UBR3: variants seen among roughly 807,000 people sequenced by gnomAD.
UBR3 encodes the protein ubiquitin protein ligase E3 component n-recognin 3.
In UBR3, 85 loss-of-function variants were observed where a neutral mutation model predicts 243.2. That is an observed-to-expected ratio of 0.35 (90% CI 0.29 to 0.42). UBR3 has a LOEUF of 0.42. Ranked by LOEUF, UBR3 falls within the 10% of genes least tolerant of loss-of-function variation. The pLI, the probability that UBR3 is intolerant of heterozygous loss-of-function variation, is 1.00. For synonymous variants in UBR3, 748 were observed against 799.8 expected (o/e 0.94, Z 1.09); for missense variants, 1,686 against 2,300.8 (o/e 0.73, Z 5.47).
Position 170,081,871 on chromosome 2 carries a change from A to G in UBR3, c.*28A>G. The G allele has an allele frequency of 2.1e-6, 3 of 1,402,588 alleles. No homozygotes were observed. Among genetic ancestry groups the G allele is most frequent in the African/African-American group, 1.5e-5 (1 of 68,392 alleles). The allele number at this position is 1,402,588 out of a possible 1,614,324, so 86.9% of individuals were successfully genotyped here. A position where few individuals can be genotyped will look rare whatever the true frequency, so the allele number is the denominator to read the frequency against. ...CTCCACCTCAGCATTGCATCGTATC[A>G]TCATTTTCGCTACGAATTTATTTTT... On this transcript the variant is annotated 3_prime_UTR_variant, in exon 39 of 39. Transcript: ENST00000272793.
chr2:170,042,720 CTT>C (rs575169870), intron 32 of UBR3, among the ~76,000 whole-genome samples: 6 of 133,702 alleles, frequency 4.5e-5, no homozygotes, highest in African/African-American at 1.1e-4. Context: ...TTTTTGAACA[CTT>C]TTTTTTTTTT....
chr2:169,878,712 A>C, intron 5 of UBR3, 138 bp downstream of exon 5: 1 of 791,790 alleles, frequency 1.3e-6, no homozygotes, highest in Non-Finnish European at 1.9e-6. Flanking sequence ...CTCATTCTAT[A>C]GACAAGGACA....
intron 8 of UBR3, among the ~76,000 whole-genome samples, 170 bp downstream of exon 8, chr2:169,896,905 T>C (rs2084612904): frequency 6.6e-6 from 1 of 152,076 alleles, no homozygotes. Context: ...ACCTTATGTT[T>C]AAAAAAATTA....
Position 169,827,835 on chromosome 2 carries a change from G to A in UBR3, c.328G>A (p.Ala110Thr), listed in dbSNP as rs1488765095. 1.5e-5 allele frequency: 22 copies of A among 1,504,404 alleles called. No homozygotes were observed. Among genetic ancestry groups the A allele is most frequent in the Non-Finnish European group, 1.9e-5 (21 of 1,130,842 alleles). The allele number at this position is 1,504,404 out of a possible 1,614,324, so 93.2% of individuals were successfully genotyped here. A position where few individuals can be genotyped will look rare whatever the true frequency, so the allele number is the denominator to read the frequency against. ...GGGGYDEFCA[A>T]VRAYDPAALC... ...CGGCGGCTACGACGAGTTCTGCGCG[G>A]CGGTGCGGGCCTACGATCCCGCGGC... The change falls in exon 1 of 39, where the codon GCG becomes ACG. Residue 110 changes from alanine (A) to threonine (T), a missense_variant. Ala to Thr is a moderately conservative substitution (Grantham distance 58). Transcript: ENST00000272793.
At chr2:170,055,896 T>TTATC (rs1408030068) in intron 33 of UBR3, among the ~76,000 whole-genome samples, 1 of 152,126 alleles carries the variant, frequency 6.6e-6, no homozygotes, top group African/African-American at 2.4e-5. Flanking sequence ...ATCTGCAGAC[T>TTATC]TATCTATTTT....
intron 8 of UBR3, among the ~76,000 whole-genome samples, chr2:169,902,389 T>C (rs1173110764): frequency 6.6e-6 from 1 of 152,148 alleles, no homozygotes; most frequent in Non-Finnish European, 1.5e-5. Flanking sequence ...TCCATTCTCT[T>C]CATGTGAACT....
At chr2:170,020,620 A>G (rs1574407906) in intron 30 of UBR3, among the ~76,000 whole-genome samples, 1 of 152,296 alleles carries the variant, frequency 6.6e-6, no homozygotes, top group East Asian at 1.9e-4. Context: ...CCCCCTGTTA[A>G]TTAACATCAT....
At chr2:169,907,776 T>A (rs919447941) in intron 10 of UBR3, among the ~76,000 whole-genome samples, 1 of 151,354 alleles carries the variant, frequency 6.6e-6, no homozygotes, top group South Asian at 2.1e-4. Flanking sequence ...TTTTAATTTT[T>A]AAATTTTTTT....
chr2:169,849,024 G>A (rs894912146), intron 1 of UBR3, among the ~76,000 whole-genome samples: 7 of 152,202 alleles, frequency 4.6e-5, no homozygotes, highest in African/African-American at 1.4e-4. Context: ...GAGGGGATAA[G>A]GGAAAAGATA....
chr2:169,998,774 C>T (rs1036926156), intron 26 of UBR3, among the ~76,000 whole-genome samples: 2 of 152,150 alleles, frequency 1.3e-5, no homozygotes, highest in South Asian at 2.1e-4. Flanking sequence ...AGTGCATTCA[C>T]GGTAGAAACT....
intron 24 of UBR3, among the ~76,000 whole-genome samples, chr2:169,976,345 C>T (rs1248363431): frequency 6.6e-6 from 1 of 151,636 alleles, no homozygotes; most frequent in Middle Eastern, 3.4e-3. Context: ...TCTGGTCTGC[C>T]AGTGAGTTTT....
chr2:169,854,795 TG>T (rs781604084), intron 1 of UBR3, among the ~76,000 whole-genome samples: 12 of 152,172 alleles, frequency 7.9e-5, no homozygotes, highest in Non-Finnish European at 1.0e-4. Context: ...GTTTTCTGGT[TG>T]TTTTTTTAAG....
At chr2:170,054,868 G>C (rs567001263) in intron 32 of UBR3, among the ~76,000 whole-genome samples, 3 of 152,152 alleles carry the variant, frequency 2.0e-5, no homozygotes, top group Non-Finnish European at 4.4e-5. Flanking sequence ...GCTATTCCAA[G>C]GTTGAATGGC....
chr2:169,845,620 G>A (rs187786272), intron 1 of UBR3, among the ~76,000 whole-genome samples: 305 of 147,356 alleles, frequency 2.1e-3, no homozygotes, highest in Non-Finnish European at 3.9e-3. Flanking sequence ...GTCTCGCTCT[G>A]TCACCTAGGC....
intron 28 of UBR3, 34 bp from the exon 29 acceptor site, chr2:170,008,770 T>C: frequency 3.9e-6 from 4 of 1,032,700 alleles, no homozygotes; most frequent in Non-Finnish European, 4.2e-6. Flanking sequence ...AAAGTGAATA[T>C]AAACTTTATA....
chr2:169,914,847 CTTGTGTGTGTGT>C (rs377166453), intron 11 of UBR3, among the ~76,000 whole-genome samples: 59 of 53,928 alleles, frequency 1.1e-3, no homozygotes, highest in African/African-American at 2.6e-3. Context: ...AATTTTATCT[CTTGTGTGTGTGT>C]GTGTGTGTGT....
chr2:169,852,617 C>T (rs572107895), intron 1 of UBR3, among the ~76,000 whole-genome samples: 58 of 150,070 alleles, frequency 3.9e-4, no homozygotes, highest in South Asian at 6.3e-4. Context: ...CCAACGCAGG[C>T]GGATCACTTG....
Position 169,844,785 on chromosome 2 carries a change from C to T in UBR3, c.545+16733C>T, listed in dbSNP as rs1054553166. Among the ~76,000 whole-genome samples, 13 of 152,146 alleles carry T rather than the reference C, an allele frequency of 8.5e-5. 1 individual carries two copies. Among genetic ancestry groups the T allele is most frequent in the South Asian group, 4.1e-4 (2 of 4,824 alleles). On this transcript the variant is annotated intron_variant, in intron 1 of 38. Coordinates refer to ENST00000272793, the MANE Select transcript of UBR3 (RefSeq NM_172070.4). ...TGCTGGGATTACAGGTGGGAGCCAT[C>T]GCGCCTGGCTGGCTTTTTATCACTT...
chr2:170,056,512 T>C (rs1175783978), intron 33 of UBR3, among the ~76,000 whole-genome samples: 5 of 152,176 alleles, frequency 3.3e-5, no homozygotes, highest in Non-Finnish European at 7.4e-5. Context: ...ACTGAGTGGT[T>C]CAGCTTAGAG....
Sources: gnomAD v4.1 joint callset for allele counts (sites outside exome capture counted in the v4.1 genomes callset) on GRCh38, gnomAD v4.1.1 for gene constraint, MANE v1.5 for transcripts, NCBI Gene and HGNC (gene_info 2026-07-23, HGNC 2026-07-21) for gene names.